Variants in RBFOX1 observed in about 807,000 individuals in gnomAD.
RBFOX1 encodes the protein RNA binding protein fox-1 homolog 1.
RBFOX1 carries 8 observed loss-of-function variants against 57.7 expected under a neutral mutation model. The observed-to-expected ratio is 0.14, with a 90% CI of 0.08 to 0.25. The LOEUF (loss-of-function observed/expected upper bound fraction) is 0.25, where lower values mean the gene tolerates loss of function less well. Ranked by LOEUF, RBFOX1 falls within the 10% of genes least tolerant of loss-of-function variation. The pLI, the probability that RBFOX1 is intolerant of heterozygous loss-of-function variation, is 1.00. For synonymous variants in RBFOX1, 326 were observed against 222.4 expected (o/e 1.47, Z -4.15); for missense variants, 611 against 548.5 (o/e 1.11, Z -1.14).
At chr16:5,756,382 C>T (rs1211209993) in intron 3 of RBFOX1, among the ~76,000 whole-genome samples, 2 of 152,098 alleles carry the variant, frequency 1.3e-5, no homozygotes, top group Non-Finnish European at 2.9e-5. Context: ...ACAGACATGG[C>T]AGTGAGAAAA....
At chr16:5,790,188 A>T (rs554507356) in intron 3 of RBFOX1, among the ~76,000 whole-genome samples, 74 of 152,232 alleles carry the variant, frequency 4.9e-4, no homozygotes, top group Non-Finnish European at 6.9e-4. Flanking sequence ...AAAGTGACAA[A>T]TAGCCCTTCT....
chr16:6,085,621 A>G (rs2152518695), intron 1 of RBFOX1, among the ~76,000 whole-genome samples: 1 of 151,386 alleles, frequency 6.6e-6, no homozygotes, highest in South Asian at 2.1e-4. Flanking sequence ...GATGACCTGA[A>G]GGCAGGCAGG....
chr16:5,253,548 G>T (rs1006866690), intron 1 of RBFOX1, among the ~76,000 whole-genome samples: 1 of 152,216 alleles, frequency 6.6e-6, no homozygotes, highest in African/African-American at 2.4e-5. Flanking sequence ...TGTCCAGCTG[G>T]CTTGGAGGTT....
intron 1 of RBFOX1, among the ~76,000 whole-genome samples, chr16:5,288,812 G>A (rs1484347690): frequency 2.0e-5 from 3 of 152,000 alleles, no homozygotes; most frequent in Non-Finnish European, 4.4e-5. Context: ...TGATCTCCTG[G>A]TGAAGGGAGC....
At position 7,446,917 on chromosome 16, in the gene RBFOX1, A is replaced by G. The variant is rs1239957167; in HGVS notation, c.28-71230A>G. On this transcript the variant is annotated intron_variant, in intron 4 of 15. Transcript: ENST00000550418. ...AAACTCCACCTCCTGGGTTCACAGC[A>G]TTCTCCTGTCTCAGCCTCCCAAGTA... 2.2e-5 allele frequency among the ~76,000 whole-genome samples: 3 copies of G among 138,838 alleles called. No individual in the cohort carries two copies. The East Asian group carries it at 6.6e-4, about 31-fold the overall frequency. The allele number at this position is 138,838 out of a possible 152,430, so 91.1% of individuals were successfully genotyped here.
chr16:5,289,134 A>G (rs117226998), intron 1 of RBFOX1: 9,923 of 221,030 alleles, frequency 0.045, 284 homozygotes, highest in Non-Finnish European at 0.066. Context: ...CAAAAAACAA[A>G]AAAAACACAC....
intron 4 of RBFOX1, among the ~76,000 whole-genome samples, chr16:7,145,756 A>T (rs1352190860): frequency 2.0e-5 from 3 of 152,154 alleles, no homozygotes; most frequent in Non-Finnish European, 2.9e-5. Context: ...GCCCTGTATT[A>T]GGGAGATATA....
intron 1 of RBFOX1, among the ~76,000 whole-genome samples, chr16:6,021,788 G>A (rs138907030): frequency 1.6e-4 from 25 of 152,278 alleles, no homozygotes; most frequent in African/African-American, 5.5e-4. Flanking sequence ...TCTGAGCTTC[G>A]GGTTGTCACC....
At chr16:7,215,237 A>C (rs1407149866) in intron 4 of RBFOX1, among the ~76,000 whole-genome samples, 8 of 152,184 alleles carry the variant, frequency 5.3e-5, no homozygotes, top group Non-Finnish European at 1.2e-4. Context: ...AAATTAGTTC[A>C]ACCACTGTGG....
intron 3 of RBFOX1, among the ~76,000 whole-genome samples, chr16:5,773,487 G>C (rs1487580421): frequency 6.6e-6 from 1 of 152,170 alleles, no homozygotes; most frequent in South Asian, 2.1e-4. Flanking sequence ...GATTCTAACA[G>C]TTGCATAATT....
chr16:7,701,904 G>A (rs1278958486), intron 14 of RBFOX1, among the ~76,000 whole-genome samples: 1 of 152,144 alleles, frequency 6.6e-6, no homozygotes, highest in Admixed American at 6.5e-5. Context: ...AATGCTTTCA[G>A]GAGGGTTTCT....
Position 6,620,712 on chromosome 16 carries a change from G to C in RBFOX1, c.-63-33891G>C, listed in dbSNP as rs527919063. Among the ~76,000 whole-genome samples the C allele has an allele frequency of 4.6e-5, 7 of 152,206 alleles. No homozygotes were observed. The South Asian group carries it at 1.0e-3, about 23-fold the overall frequency. ...ACAGAAATACAAACAACCATCACAA[G>C]ATTATGAAACCCTCTCTGCACATAA... On this transcript the variant is annotated intron_variant, in intron 2 of 15. Coordinates refer to ENST00000550418, the MANE Select transcript of RBFOX1 (RefSeq NM_018723.4).
intron 3 of RBFOX1, among the ~76,000 whole-genome samples, chr16:5,680,868 G>C (rs148530515): frequency 0.021 from 3,191 of 151,278 alleles, 53 homozygotes; most frequent in South Asian, 0.049. Flanking sequence ...AGACGTGCAA[G>C]TTCCTTGCCC....
chr16:5,981,625 G>T (rs2060174789), intron 4 of RBFOX1, among the ~76,000 whole-genome samples: 1 of 151,972 alleles, frequency 6.6e-6, no homozygotes. Context: ...CCCACTATCA[G>T]GCTGGGCCAA....
At chr16:6,643,942 A>G (rs1191338048) in intron 2 of RBFOX1, among the ~76,000 whole-genome samples, 1 of 152,128 alleles carries the variant, frequency 6.6e-6, no homozygotes, top group Non-Finnish European at 1.5e-5. Context: ...CCTGGCCAAC[A>G]TGGGGAAACC....
chr16:5,916,193 T>C (rs1041306415), intron 4 of RBFOX1, among the ~76,000 whole-genome samples: 6 of 131,354 alleles, frequency 4.6e-5, no homozygotes, highest in African/African-American at 1.4e-4. Context: ...CCTGACACTC[T>C]AGCAAAAAAA....
intron 3 of RBFOX1, among the ~76,000 whole-genome samples, chr16:7,024,821 C>G (rs2040406400): frequency 6.6e-6 from 1 of 152,158 alleles, no homozygotes; most frequent in African/African-American, 2.4e-5. Context: ...GGATGTTAAC[C>G]ACGATGGTTC....
At chr16:5,270,856 G>A (rs2062986466) in intron 1 of RBFOX1, 2 of 417,022 alleles carry the variant, frequency 4.8e-6, no homozygotes, top group African/African-American at 2.1e-5. Flanking sequence ...GGAGCTTCAT[G>A]GTGAAGGTAG....
chr16:7,123,943 G>T (rs556414420), intron 4 of RBFOX1, among the ~76,000 whole-genome samples: 1 of 152,288 alleles, frequency 6.6e-6, no homozygotes, highest in South Asian at 2.1e-4. Flanking sequence ...TCTCTAAGTT[G>T]TATTAATGCT....
Sources: gnomAD v4.1 joint callset for allele counts (sites outside exome capture counted in the v4.1 genomes callset) on GRCh38, gnomAD v4.1.1 for gene constraint, MANE v1.5 for transcripts, NCBI Gene and HGNC (gene_info 2026-07-23, HGNC 2026-07-21) for gene names.